Variants in TNNC2 observed in about 807,000 individuals in gnomAD.
TNNC2 encodes the protein troponin C, skeletal muscle.
In TNNC2, 14 loss-of-function variants were observed where a neutral mutation model predicts 20.0. That is an observed-to-expected ratio of 0.70 (90% CI 0.46 to 1.09). The LOEUF (loss-of-function observed/expected upper bound fraction) is 1.09, where lower values mean the gene tolerates loss of function less well. Ranked by LOEUF, TNNC2 falls within the 50% of genes least tolerant of loss-of-function variation. The pLI, the probability that TNNC2 is intolerant of heterozygous loss-of-function variation, is 0.00. For synonymous variants in TNNC2, 81 were observed against 77.3 expected (o/e 1.05, Z -0.25); for missense variants, 163 against 223.8 (o/e 0.73, Z 1.73).
Position 45,824,076 on chromosome 20 carries a change from G to A in TNNC2, c.366C>T (p.Ala122=). The A allele has an allele frequency of 1.2e-6, 2 of 1,614,092 alleles. No homozygotes were observed. Among genetic ancestry groups the A allele is most frequent in the Non-Finnish European group, 1.7e-6 (2 of 1,180,004 alleles). The part of the protein sequence containing the change: ...DPEELAEIFR[A]SGEHVTDEEI... ...CCTCGTCCGTCACGTGCTCCCCGGAGGCCCTGAAAATCTCAGCCAGCTCCT... is the reference window on the plus strand; with the variant it reads ...CCTCGTCCGTCACGTGCTCCCCGGAAGCCCTGAAAATCTCAGCCAGCTCCT... Residue 122 remains alanine, a synonymous_variant, in exon 5 of 6, where the codon GCC becomes GCT. Coordinates refer to ENST00000372555, the MANE Select transcript of TNNC2 (RefSeq NM_003279.3).
At chr20:45,827,138 C>T in intron 1 of TNNC2, 108 bp downstream of exon 1, 1 of 1,485,538 alleles carries the variant, frequency 6.7e-7, no homozygotes, top group Non-Finnish European at 9.4e-7. Flanking sequence ...CCTCCATGCT[C>T]CAACCTCAAA....
rs1305674433 is a variant in TNNC2, at chr20:45,824,540, T to C, written c.154A>G (p.Thr52Ala). 1 of 1,613,510 alleles carries C rather than the reference T, an allele frequency of 6.2e-7. No individual in the cohort carries two copies. The highest frequency in any genetic ancestry group is 2.2e-5 in the East Asian group (1 of 44,892). Residue 52 changes from threonine to alanine, a missense_variant, in exon 3 of 6, where the codon ACC becomes GCC. Coordinates refer to ENST00000372555, the MANE Select transcript of TNNC2 (RefSeq NM_003279.3). The part of the protein sequence containing the change: ...TVMRMLGQTP[T>A]KEELDAIIEE... ...ATGATGGCGTCCAGCTCCTCCTTGG[T>C]GGGTGTCTGGCCCAGCATCCTCATC...
In TNNC2 at chr20:45,823,326, G is replaced by T; in HGVS notation, c.*22C>A. 6.3e-7 allele frequency: 1 copy of T among 1,576,690 alleles called. No homozygotes were observed. The highest frequency in any genetic ancestry group is 8.6e-7 in the Non-Finnish European group (1 of 1,161,262). ...CCACACCCTAGGGACACGCGATCTT[G>T]GTAGAGGCGACTGTCCACTCCTTAC... On this transcript the variant is annotated 3_prime_UTR_variant, in exon 6 of 6. Transcript: ENST00000372555. The surrounding 1 kb of genome is among the most constrained non-coding windows in gnomAD (Gnocchi z 4.6).
At chr20:45,830,711 A>G (rs1983088641), upstream of TNNC2, among the ~76,000 whole-genome samples, 1 of 152,232 alleles carries the variant, frequency 6.6e-6, no homozygotes, top group African/African-American at 2.4e-5. Flanking sequence ...TTAGTTCAAT[A>G]TAAGGGGGAA....
upstream of TNNC2, among the ~76,000 whole-genome samples, chr20:45,829,255 C>T (rs1601057952): frequency 6.7e-6 from 1 of 149,702 alleles, no homozygotes; most frequent in East Asian, 2.0e-4. Context: ...ACCTCCGCCT[C>T]TTGGGTTCAA....
chr20:45,824,390 G>A lies in TNNC2; in HGVS notation c.216C>T (p.Asp72=). 1 of 1,610,642 alleles carries A rather than the reference G, an allele frequency of 6.2e-7. No homozygotes were observed. The highest frequency in any genetic ancestry group is 2.2e-5 in the East Asian group (1 of 44,864). The change falls in exon 4 of 6, where the codon GAC becomes GAT. Residue 72 remains aspartate, a synonymous_variant. Coordinates refer to ENST00000372555, the MANE Select transcript of TNNC2 (RefSeq NM_003279.3). ...CCATCATGACCAAGAACTCCTCGAA[G>A]TCGATGGTGCCGCTGCCTGCGGGCA... The part of the protein sequence containing the change: ...EVDEDGSGTI[D]FEEFLVMMVR...
Position 45,832,975 on chromosome 20 carries a change from CTACAAAAAA to C in TNNC2, c.-43+267_-43+275del, listed in dbSNP as rs1362273718. Among the ~76,000 whole-genome samples the C allele has an allele frequency of 1.2e-4, 18 of 152,202 alleles. 1 individual carries two copies. The highest frequency in any genetic ancestry group is 1.2e-3 in the Admixed American group (18 of 15,278). Reference sequence around the variant, plus strand: ...TGGGCAACATGGCCAAATCCCATCTCTACAAAAAATACAAAAATTAGCTGGGTGTGGTGG... The same window carrying C: ...TGGGCAACATGGCCAAATCCCATCTCTACAAAAATTAGCTGGGTGTGGTGG... On this transcript the variant is annotated intron_variant, in intron 2 of 6. Coordinates refer to the TNNC2 transcript ENST00000372557.
rs752044516 is a variant in TNNC2, at chr20:45,824,103, C to A, written c.339G>T (p.Pro113=). 4 of 1,614,054 alleles carry A rather than the reference C, an allele frequency of 2.5e-6. No homozygotes were observed. The South Asian group carries it at 3.3e-5, about 13-fold the overall frequency. ...FDRNADGYID[P]EELAEIFRAS... The stretch of plus-strand genomic sequence containing the variant: ...CCCTGAAAATCTCAGCCAGCTCCTC[C>A]GGGTCGATGTAGCCGTCTGCATTCC... Residue 113 remains proline (P), a synonymous_variant, in exon 5 of 6, where the codon CCG becomes CCT. Transcript: ENST00000372555.
In TNNC2 at chr20:45,824,615, AC is replaced by A. The variant is rs1280606676; in HGVS notation, c.78del (p.Met26IlefsTer18). 6.2e-7 allele frequency: 1 copy of A among 1,610,656 alleles called. No individual in the cohort carries two copies. Among genetic ancestry groups the A allele is most frequent in the Non-Finnish European group, 8.5e-7 (1 of 1,179,986 alleles). ...MIAEFKAAFD[M>X]FDADGGGDIS... is the part of the protein sequence containing the mutation. ...ATGTCCCCACCACCATCAGCATCAA[AC>A]ATGTCAAAGGCAGCCTTGAACTCTG... On this transcript the variant is annotated frameshift_variant, in exon 3 of 6. Transcript: ENST00000372555. LOFTEE classifies it high-confidence loss of function.
At chr20:45,825,440 C>A (rs1310887578) in intron 1 of TNNC2, among the ~76,000 whole-genome samples, 1 of 151,782 alleles carries the variant, frequency 6.6e-6, no homozygotes, top group Non-Finnish European at 1.5e-5. Context: ...TACAGGCATG[C>A]GCCAACACGC....
chr20:45,831,160 T>C (rs1983098377), upstream of TNNC2, among the ~76,000 whole-genome samples: 1 of 151,750 alleles, frequency 6.6e-6, no homozygotes, highest in African/African-American at 2.4e-5. Context: ...TGGGCACATA[T>C]CTGTAGTCCC....
chr20:45,827,314 A>G, upstream of TNNC2: 1 of 1,611,740 alleles, frequency 6.2e-7, no homozygotes, highest in Non-Finnish European at 8.5e-7. Context: ...CCCAAAGATG[A>G]CCTGGCCTGC....
chr20:45,825,409 A>G (rs138225109), intron 1 of TNNC2, among the ~76,000 whole-genome samples: 1,912 of 152,190 alleles, frequency 0.013, 34 homozygotes, highest in African/African-American at 0.044. Flanking sequence ...CTCCTCCCTC[A>G]GCCTCTCGAG....
At chr20:45,829,160 G>GTTTT (rs57079984), upstream of TNNC2, among the ~76,000 whole-genome samples, 1 of 98,278 alleles carries the variant, frequency 1.0e-5, no homozygotes, top group Non-Finnish European at 2.1e-5. Flanking sequence ...TTTGTTTTTG[G>GTTTT]TTTTTTTTTT....
In TNNC2 at chr20:45,824,141, G is replaced by T. The variant is rs1982888684; in HGVS notation, c.315-14C>A. The T allele has an allele frequency of 6.2e-7, 1 of 1,613,172 alleles. No individual in the cohort carries two copies. ...CCGTCTGCATTCCTTCAGGTCCGAG[G>T]GACAGGGCAGGGCTCAGGGCCGGGG... On this transcript the variant is annotated splice_polypyrimidine_tract_variant and intron_variant, in intron 4 of 5. Transcript: ENST00000372555.
At chr20:45,824,168 G>A (rs376710500) in intron 4 of TNNC2, 41 bp from the exon 5 acceptor site, 94 of 1,603,662 alleles carry the variant, frequency 5.9e-5, no homozygotes, top group African/African-American at 9.4e-5. Context: ...GGGCCGGGGC[G>A]AGCTGCCCTG....
chr20:45,823,635 G>A lies in TNNC2; in HGVS notation c.452-256C>T, dbSNP rs550109712. Among the ~76,000 whole-genome samples the A allele has an allele frequency of 6.6e-6, 1 of 152,162 alleles. No individual in the cohort carries two copies. The highest frequency in any genetic ancestry group is 1.5e-5 in the Non-Finnish European group (1 of 67,990). On this transcript the variant is annotated intron_variant, in intron 5 of 5. Transcript: ENST00000372555. This position sits in a 1 kb window ranked among gnomAD's most constrained non-coding sequence, Gnocchi z 4.6. ...CCCCGGAGCAACTGGGACCACAGGT[G>A]TGCCACCACACCTGCCTTTTTATTT...
At chr20:45,832,023 G>A (rs944545056), upstream of TNNC2, among the ~76,000 whole-genome samples, 2 of 152,142 alleles carry the variant, frequency 1.3e-5, no homozygotes, top group African/African-American at 4.8e-5. Flanking sequence ...TTGAAATTGT[G>A]CAAACTGGCC....
In TNNC2 at chr20:45,823,857, G is replaced by A; in HGVS notation, c.451+134C>T. On this transcript the variant is annotated intron_variant, in intron 5 of 5. Transcript: ENST00000372555. The surrounding 1 kb of genome is among the most constrained non-coding windows in gnomAD (Gnocchi z 4.6). ...AGCGCTTCTATACCTGCCCCCAGGA[G>A]ACTATGGGGAACTTGGTGAAGTTAC... 1 of 1,417,324 alleles carries A rather than the reference G, an allele frequency of 7.1e-7. No individual in the cohort carries two copies. Among genetic ancestry groups the A allele is most frequent in the South Asian group, 1.3e-5 (1 of 76,964 alleles). 87.8% of individuals were successfully genotyped at this position (1,417,324 alleles called of 1,614,324 possible).
Sources: allele counts gnomAD v4.1 joint callset (sites outside exome capture counted in the v4.1 genomes callset), GRCh38; gene constraint gnomAD v4.1.1; non-coding constraint Gnocchi (gnomAD v3.1); transcripts MANE v1.5; gene names NCBI Gene and HGNC (gene_info 2026-07-23, HGNC 2026-07-21).